The following CLNK variants were observed in gnomAD, a reference collection of about 807,000 sequenced individuals.
CLNK encodes cytokine-dependent hematopoietic cell linker.
CLNK carries 74 observed loss-of-function variants against 68.6 expected under a neutral mutation model. The observed-to-expected ratio is 1.08, with a 90% CI of 0.89 to 1.31. The LOEUF (loss-of-function observed/expected upper bound fraction) is 1.31, where lower values mean the gene tolerates loss of function less well. Ranked by LOEUF, CLNK falls within the 50% of genes most tolerant of loss-of-function variation. The probability of loss-of-function intolerance (pLI) is 0.00; values close to 1 mark genes in which losing one functional copy is unlikely to be tolerated. For missense variants in CLNK, 553 were observed against 515.3 expected, an observed-to-expected ratio of 1.07 and a Z score of -0.71; for synonymous variants, 198 against 172.2, an observed-to-expected ratio of 1.15 and a Z score of -1.17.
intron 5 of CLNK, among the ~76,000 whole-genome samples, chr4:10,570,672 C>G (rs1577136883): frequency 6.6e-6 from 1 of 152,122 alleles, no homozygotes; most frequent in Non-Finnish European, 1.5e-5. Context: ...AGTTTATGAA[C>G]AGAATCAATC....
chr4:10,617,691 C>T (rs1480094878), intron 2 of CLNK, among the ~76,000 whole-genome samples: 1 of 152,198 alleles, frequency 6.6e-6, no homozygotes, highest in Non-Finnish European at 1.5e-5. Flanking sequence ...AGTATCTCTA[C>T]TGTTATTTTG....
chr4:10,510,162 G>A lies in CLNK; in HGVS notation c.907-2126C>T, dbSNP rs374635615. Among the ~76,000 whole-genome samples, 37 of 152,272 alleles carry A rather than the reference G, an allele frequency of 2.4e-4. No homozygotes were observed. In the East Asian group the frequency reaches 5.4e-3, roughly 22 times the overall value. Reference sequence around the variant, plus strand: ...CCAGGTGTGATCATGAGGGATGGCTGGTGAGTGTGGCTGGTGAGTGTAGCT... The same window carrying A: ...CCAGGTGTGATCATGAGGGATGGCTAGTGAGTGTGGCTGGTGAGTGTAGCT... On this transcript the variant is annotated intron_variant, in intron 16 of 18. Coordinates refer to ENST00000226951, the MANE Select transcript of CLNK (RefSeq NM_052964.4).
chr4:10,490,528 T>A lies in CLNK; in HGVS notation c.1226A>T (p.His409Leu), dbSNP rs1421192103. Residue 409 changes from histidine (H) to leucine (L), a missense_variant, in exon 19 of 19, where the codon CAC (histidine) becomes CTC (leucine). Transcript: ENST00000226951. ...LIDGKDKTGV[H>L]RKQCHLTQPL... ...CTGAGTGAGGTGACACTGTTTCCTG[T>A]GGACCCCAGTTTTATCTTTCCCATC... 1 of 1,611,304 alleles carries A rather than the reference T, an allele frequency of 6.2e-7. No individual in the cohort carries two copies. The highest frequency in any genetic ancestry group is 1.7e-5 in the Admixed American group (1 of 59,722).
At chr4:10,602,269 C>G (rs548292130) in intron 2 of CLNK, among the ~76,000 whole-genome samples, 111 of 152,188 alleles carry the variant, frequency 7.3e-4, no homozygotes, top group Non-Finnish European at 1.4e-3. Context: ...GCAGCCAATA[C>G]AGTGTAGTTG....
At chr4:10,667,475 T>G (rs919840475) in intron 2 of CLNK, among the ~76,000 whole-genome samples, 1 of 151,664 alleles carries the variant, frequency 6.6e-6, no homozygotes, top group Admixed American at 6.6e-5. Flanking sequence ...CCACTTTTGG[T>G]GTCCACAAAG....
rs751560227 is a variant in CLNK at position 10,490,428 on chromosome 4, C to T, written c.*39G>A. 2.8e-5 allele frequency: 45 copies of T among 1,594,550 alleles called. No individual in the cohort carries two copies. The highest frequency in any genetic ancestry group is 1.2e-4 in the Admixed American group (7 of 56,020). On this transcript the variant is annotated 3_prime_UTR_variant, in exon 19 of 19. Coordinates refer to ENST00000226951, the MANE Select transcript of CLNK (RefSeq NM_052964.4). ...TTGAAATCAATGAAAACAATGGAAG[C>T]GCTGAATCCAGTAAACCAAAGATAA...
the CLNK span, among the ~76,000 whole-genome samples, chr4:10,702,482 T>C: frequency 1.3e-5 from 2 of 152,140 alleles, no homozygotes; most frequent in Admixed American, 1.3e-4. Flanking sequence ...CTGCCGAGAA[T>C]GATGCATGCA....
chr4:10,570,049 T>A (rs563799755), intron 5 of CLNK, among the ~76,000 whole-genome samples: 4 of 152,196 alleles, frequency 2.6e-5, no homozygotes, highest in African/African-American at 9.6e-5. Context: ...AGAGAAGGTG[T>A]CTCGGTTCTG....
At chr4:10,641,104 T>A (rs575891229) in intron 2 of CLNK, among the ~76,000 whole-genome samples, 63 of 152,314 alleles carry the variant, frequency 4.1e-4, no homozygotes, top group Middle Eastern at 3.4e-3. Context: ...CAGGGAGTCA[T>A]GTTTAAAGTT....
chr4:10,700,004 A>ATGTGTGTGTGTGTGTGTGTG, the CLNK span, among the ~76,000 whole-genome samples: 90 of 145,188 alleles, frequency 6.2e-4, no homozygotes, highest in African/African-American at 2.2e-3. Context: ...GTGTGTGCAT[A>ATGTGTGTGTGTGTGTGTGTG]TGTGTGTGTG....
chr4:10,549,162 C>T (rs531546636), intron 8 of CLNK, among the ~76,000 whole-genome samples: 4 of 152,104 alleles, frequency 2.6e-5, no homozygotes, highest in Non-Finnish European at 5.9e-5. Flanking sequence ...GGATTTCAGC[C>T]GCATCAAATA....
intron 2 of CLNK, among the ~76,000 whole-genome samples, chr4:10,660,047 C>T (rs900869085): frequency 6.6e-6 from 1 of 152,184 alleles, no homozygotes; most frequent in African/African-American, 2.4e-5. Context: ...AAATGCTGGA[C>T]TTTATTACTG....
At chr4:10,670,722 A>G (rs1388276767) in intron 1 of CLNK, among the ~76,000 whole-genome samples, 1 of 152,098 alleles carries the variant, frequency 6.6e-6, no homozygotes, top group Non-Finnish European at 1.5e-5. Context: ...AAAAAAAAAT[A>G]CAATCCATCA....
intron 15 of CLNK, among the ~76,000 whole-genome samples, chr4:10,519,727 G>T (rs1717981641): frequency 6.6e-6 from 1 of 152,170 alleles, no homozygotes; most frequent in Admixed American, 6.5e-5. Flanking sequence ...TAGGCCTACT[G>T]AGGCCATTTG....
intron 2 of CLNK, among the ~76,000 whole-genome samples, chr4:10,662,741 G>T (rs1724241904): frequency 6.6e-6 from 1 of 152,174 alleles, no homozygotes; most frequent in South Asian, 2.1e-4. Flanking sequence ...ATTACACATA[G>T]ATATAGAAAA....
At chr4:10,557,184 G>A (rs1719708410) in intron 8 of CLNK, among the ~76,000 whole-genome samples, 2 of 152,018 alleles carry the variant, frequency 1.3e-5, no homozygotes, top group African/African-American at 2.4e-5. Context: ...TTAGGTTTTG[G>A]CTACTCTCTG....
intron 1 of CLNK, among the ~76,000 whole-genome samples, chr4:10,672,254 T>G (rs945228176): frequency 1.3e-5 from 2 of 152,190 alleles, no homozygotes; most frequent in Non-Finnish European, 2.9e-5. Context: ...CACTGGATCT[T>G]GCAAGACTGC....
At chr4:10,529,714 C>T (rs1041367125) in intron 12 of CLNK, among the ~76,000 whole-genome samples, 13 of 152,118 alleles carry the variant, frequency 8.5e-5, no homozygotes, top group Admixed American at 5.9e-4. Flanking sequence ...AGTGCTCAAT[C>T]GGATGCAGTG....
chr4:10,569,895 C>T (rs1348533031), intron 5 of CLNK, among the ~76,000 whole-genome samples: 1 of 152,108 alleles, frequency 6.6e-6, no homozygotes. Context: ...GTATCTATTC[C>T]ACAGCAGGAA....
Sources: gnomAD v4.1 joint callset for allele counts (sites outside exome capture counted in the v4.1 genomes callset) on GRCh38, gnomAD v4.1.1 for gene constraint, MANE v1.5 for transcripts, NCBI Gene and HGNC (gene_info 2026-07-23, HGNC 2026-07-21) for gene names.